The following C1QTNF3 variants were observed in gnomAD, a reference collection of about 807,000 sequenced individuals.
C1QTNF3 encodes complement C1q tumor necrosis factor-related protein 3.
C1QTNF3 carries 26 observed loss-of-function variants against 32.6 expected under a neutral mutation model. The observed-to-expected ratio is 0.80, with a 90% CI of 0.58 to 1.11. C1QTNF3 has a LOEUF of 1.11. Among genes scored for constraint, C1QTNF3 ranks in the 50% least tolerant of loss-of-function variants. The pLI is 0.00. For synonymous variants in C1QTNF3, 155 were observed against 146.0 expected, an observed-to-expected ratio of 1.06 and a Z score of -0.44; for missense variants, 362 against 398.2, an observed-to-expected ratio of 0.91 and a Z score of 0.77.
the C1QTNF3 span, among the ~76,000 whole-genome samples, chr5:34,177,715 T>C: frequency 1.3e-5 from 2 of 151,530 alleles, no homozygotes; most frequent in East Asian, 2.0e-4. Context: ...ACTTGAACTC[T>C]TGGCCTCGTG....
At chr5:34,209,560 C>CT in the C1QTNF3 span, among the ~76,000 whole-genome samples, 2 of 151,658 alleles carry the variant, frequency 1.3e-5, no homozygotes, top group Non-Finnish European at 2.9e-5. Flanking sequence ...AATAGAAAAT[C>CT]TTTGTCTTGA....
At chr5:34,165,632 T>A in the C1QTNF3 span, 21 of 152,184 alleles carry the variant, frequency 1.4e-4, no homozygotes, top group African/African-American at 4.8e-4. Flanking sequence ...AATGAAGAAG[T>A]CTTTTTATAT....
the C1QTNF3 span, among the ~76,000 whole-genome samples, chr5:34,119,328 T>C: frequency 6.6e-6 from 1 of 152,146 alleles, no homozygotes; most frequent in Non-Finnish European, 1.5e-5. Context: ...ATCCCAATGA[T>C]AGGGCAAGGT....
At chr5:34,108,050 GAA>G in the C1QTNF3 span, among the ~76,000 whole-genome samples, 1 of 152,122 alleles carries the variant, frequency 6.6e-6, no homozygotes, top group African/African-American at 2.4e-5. Context: ...AAGAAAGAAA[GAA>G]AGAGAGAGGA....
chr5:34,174,389 A>G, the C1QTNF3 span, among the ~76,000 whole-genome samples: 1 of 152,058 alleles, frequency 6.6e-6, no homozygotes, highest in East Asian at 1.9e-4. Flanking sequence ...AAAGCTTTGC[A>G]CCTCTCCACA....
chr5:34,065,985 A>T, the C1QTNF3 span, among the ~76,000 whole-genome samples: 111 of 152,256 alleles, frequency 7.3e-4, 1 homozygote, highest in African/African-American at 2.5e-3. Flanking sequence ...TACACCATGG[A>T]ATACTATGCA....
the C1QTNF3 span, among the ~76,000 whole-genome samples, chr5:34,131,062 C>T: frequency 6.6e-6 from 1 of 152,204 alleles, no homozygotes; most frequent in Non-Finnish European, 1.5e-5. Context: ...TTTAAGACAA[C>T]TGAATATTTT....
the C1QTNF3 span, among the ~76,000 whole-genome samples, chr5:34,154,694 G>A: frequency 9.2e-5 from 14 of 152,062 alleles, no homozygotes; most frequent in African/African-American, 3.1e-4. Flanking sequence ...GCGTTTCTCA[G>A]CCTTAGCTGC....
the C1QTNF3 span, among the ~76,000 whole-genome samples, chr5:34,088,163 A>T: frequency 2.6e-5 from 4 of 152,256 alleles, no homozygotes; most frequent in Admixed American, 2.6e-4. Flanking sequence ...ATAATCAAGT[A>T]GCAGATGGGT....
chr5:34,214,614 T>G, the C1QTNF3 span, among the ~76,000 whole-genome samples: 9 of 152,126 alleles, frequency 5.9e-5, no homozygotes, highest in African/African-American at 1.9e-4. Context: ...TACAGTAATT[T>G]ATAGGTAGTA....
chr5:34,198,031 C>T, the C1QTNF3 span, among the ~76,000 whole-genome samples: 1 of 142,076 alleles, frequency 7.0e-6, no homozygotes, highest in African/African-American at 2.8e-5. Context: ...GTCAGGAGTT[C>T]CAGACCAGCC....
the C1QTNF3 span, among the ~76,000 whole-genome samples, chr5:34,125,448 C>T: frequency 6.6e-6 from 1 of 152,114 alleles, no homozygotes; most frequent in Non-Finnish European, 1.5e-5. Context: ...TATCTATTTC[C>T]TATTCAAAAA....
the C1QTNF3 span, among the ~76,000 whole-genome samples, chr5:34,224,625 T>A: frequency 9.2e-5 from 14 of 152,296 alleles, no homozygotes; most frequent in African/African-American, 3.4e-4. Flanking sequence ...CTGGATCCCT[T>A]CCTTACACCT....
chr5:34,145,678 CA>C, the C1QTNF3 span, among the ~76,000 whole-genome samples: 54,714 of 96,862 alleles, frequency 0.56, 11,505 homozygotes, highest in Middle Eastern at 0.61. Flanking sequence ...AGAGACACAG[CA>C]AAAAAAAAAA....
the C1QTNF3 span, among the ~76,000 whole-genome samples, chr5:34,230,147 C>T: frequency 6.6e-6 from 1 of 152,166 alleles, no homozygotes; most frequent in East Asian, 1.9e-4. Context: ...ATGGTATTTT[C>T]TTACAGTATT....
At position 34,022,836 on chromosome 5, in the gene C1QTNF3, T is replaced by C. The variant is rs552456336; in HGVS notation, c.800+1073A>G. On this transcript the variant is annotated intron_variant, in intron 5 of 5. Transcript: ENST00000382065. ...GAGAATTTCAAAGTCAGTTTTTTTG[T>C]TTGTTTGTTTGTTTGTTTTTTGTTT... Among the ~76,000 whole-genome samples, 9 of 152,068 alleles carry C rather than the reference T, an allele frequency of 5.9e-5. No individual in the cohort carries two copies. The East Asian group carries it at 1.5e-3, about 26-fold the overall frequency.
the C1QTNF3 span, among the ~76,000 whole-genome samples, chr5:34,225,415 T>C: frequency 2.6e-5 from 4 of 152,066 alleles, no homozygotes; most frequent in African/African-American, 9.7e-5. Context: ...AGGTTTATTT[T>C]TTATTTTCTC....
At chr5:34,170,232 T>C in the C1QTNF3 span, among the ~76,000 whole-genome samples, 1 of 152,158 alleles carries the variant, frequency 6.6e-6, no homozygotes, top group African/African-American at 2.4e-5. Flanking sequence ...TCTGTAATAG[T>C]CAAACTCACA....
At chr5:34,033,182 T>C in intron 3 of C1QTNF3, 122 bp downstream of exon 3, 1 of 1,092,360 alleles carries the variant, frequency 9.2e-7, no homozygotes, top group East Asian at 2.5e-5. Flanking sequence ...ATGAACAAAC[T>C]GAGACTCAGA....
Sources: gnomAD v4.1 joint callset for allele counts (sites outside exome capture counted in the v4.1 genomes callset) on GRCh38, gnomAD v4.1.1 for gene constraint, MANE v1.5 for transcripts, NCBI Gene and HGNC (gene_info 2026-07-23, HGNC 2026-07-21) for gene names.